The following BTBD9 variants were observed in gnomAD, a reference collection of about 807,000 sequenced individuals.
BTBD9 encodes the protein BTB domain containing 9, also known as BTB/POZ domain-containing protein 9.
A neutral mutation model predicts 64.3 loss-of-function variants in BTBD9; 49 were observed. That is an observed-to-expected ratio of 0.76 (90% CI 0.61 to 0.97). BTBD9 has a LOEUF of 0.97. Ranked by LOEUF, BTBD9 falls within the 50% of genes least tolerant of loss-of-function variation. The probability of loss-of-function intolerance (pLI) is 0.00; values close to 1 mark genes in which losing one functional copy is unlikely to be tolerated. For synonymous variants in BTBD9, 260 were observed against 274.7 expected (o/e 0.95, Z 0.53); for missense variants, 598 against 762.1 (o/e 0.78, Z 2.53).
chr6:38,585,579 G>A (rs1776480084), intron 4 of BTBD9, among the ~76,000 whole-genome samples: 1 of 152,124 alleles, frequency 6.6e-6, no homozygotes, highest in African/African-American at 2.4e-5. Flanking sequence ...CAAAGTGCTG[G>A]CATTACAGGT....
intron 9 of BTBD9, among the ~76,000 whole-genome samples, chr6:38,196,569 T>A (rs1023143383): frequency 6.6e-6 from 1 of 152,180 alleles, no homozygotes; most frequent in African/African-American, 2.4e-5. Flanking sequence ...GCAGCTGGGC[T>A]TTGGAAGAAT....
chr6:38,514,394 T>C (rs1285533261), intron 6 of BTBD9, among the ~76,000 whole-genome samples: 1 of 152,252 alleles, frequency 6.6e-6, no homozygotes, highest in Non-Finnish European at 1.5e-5. Flanking sequence ...AGAGCTGTAA[T>C]TGTCAATACC....
In BTBD9 at chr6:38,535,730, CA is replaced by C. The variant is rs1773996590; in HGVS notation, c.1154+41869del. Among the ~76,000 whole-genome samples, 5 of 152,200 alleles carry C rather than the reference CA, an allele frequency of 3.3e-5. No individual in the cohort carries two copies. The South Asian group carries it at 1.0e-3, about 32-fold the overall frequency. On this transcript the variant is annotated intron_variant, in intron 6 of 10. Transcript: ENST00000481247. ...ACACCTACAGTGAACTCATTTTCAA[CA>C]AAGGTGCCAAACACATACACTGGGA...
At chr6:38,498,457 T>A (rs1243854436) in intron 6 of BTBD9, among the ~76,000 whole-genome samples, 33 of 132,598 alleles carry the variant, frequency 2.5e-4, no homozygotes, top group East Asian at 4.3e-4. Flanking sequence ...TATCTAGTAC[T>A]AAAAAAAAAA....
At chr6:38,448,936 A>T (rs939108777) in intron 6 of BTBD9, among the ~76,000 whole-genome samples, 1 of 152,220 alleles carries the variant, frequency 6.6e-6, no homozygotes, top group Non-Finnish European at 1.5e-5. Flanking sequence ...CACATGGCCC[A>T]TCTGGGTACT....
chr6:38,563,839 T>TGGCACGATCTTGGCTCACTGCAAGCTCC (rs1448673878), intron 6 of BTBD9, among the ~76,000 whole-genome samples: 2 of 147,772 alleles, frequency 1.4e-5, no homozygotes, highest in Non-Finnish European at 3.0e-5. Context: ...CGGAGTGCAG[T>TGGCACGATCTTGGCTCACTGCAAGCTCC]GGCACGATCT....
chr6:38,426,593 GT>G (rs1768163181), intron 6 of BTBD9, among the ~76,000 whole-genome samples: 1 of 151,918 alleles, frequency 6.6e-6, no homozygotes, highest in African/African-American at 2.4e-5. Context: ...CCGGCAGGGT[GT>G]CCGCTGTGCT....
chr6:38,392,912 T>C (rs1272783311), intron 6 of BTBD9, among the ~76,000 whole-genome samples: 2 of 148,624 alleles, frequency 1.3e-5, no homozygotes, highest in African/African-American at 5.0e-5. Flanking sequence ...TCTTGTTCTA[T>C]CGCTCAGGCT....
intron 6 of BTBD9, among the ~76,000 whole-genome samples, chr6:38,355,907 G>A (rs1277132962): frequency 6.6e-6 from 1 of 152,236 alleles, no homozygotes; most frequent in African/African-American, 2.4e-5. Context: ...TTTTTAAGAC[G>A]TGGTCTGAAC....
chr6:38,192,030 C>T (rs912591501), intron 10 of BTBD9, among the ~76,000 whole-genome samples: 2 of 152,206 alleles, frequency 1.3e-5, no homozygotes, highest in African/African-American at 4.8e-5. Context: ...TTCTCATCTA[C>T]CTGTTGCATT....
At position 38,171,516 on chromosome 6, in the gene BTBD9, G is replaced by A. The variant is rs1178860340; in HGVS notation, c.*3469C>T. 6.8e-6 allele frequency: 1 copy of A among 147,120 alleles called. No homozygotes were observed. Among genetic ancestry groups the A allele is most frequent in the Non-Finnish European group, 1.5e-5 (1 of 67,492 alleles). 9.1% of individuals were successfully genotyped at this position (147,120 alleles called of 1,614,324 possible). A position where few individuals can be genotyped will look rare whatever the true frequency, so the allele number is the denominator to read the frequency against. On this transcript the variant is annotated 3_prime_UTR_variant, in exon 11 of 11. Transcript: ENST00000481247. Reference sequence around the variant, plus strand: ...CTTGTGCTTCTAACTAAAATCAAAGGAATGAAAGCAGAAAAAGCACTGAGA... The same window carrying A: ...CTTGTGCTTCTAACTAAAATCAAAGAAATGAAAGCAGAAAAAGCACTGAGA...
chr6:38,226,095 T>C (rs1201157513), intron 9 of BTBD9, among the ~76,000 whole-genome samples: 3 of 152,224 alleles, frequency 2.0e-5, no homozygotes, highest in Non-Finnish European at 2.9e-5. Context: ...TATTTTCTTA[T>C]AATAACACTT....
chr6:38,385,486 G>A (rs974883523), intron 6 of BTBD9, among the ~76,000 whole-genome samples: 6 of 151,540 alleles, frequency 4.0e-5, no homozygotes, highest in East Asian at 2.0e-4. Flanking sequence ...CACCACACCC[G>A]GCCCTTTATG....
chr6:38,535,358 A>T (rs1773978978), intron 6 of BTBD9, among the ~76,000 whole-genome samples: 1 of 152,182 alleles, frequency 6.6e-6, no homozygotes, highest in Non-Finnish European at 1.5e-5. Context: ...ATTGAAGAGG[A>T]CACAAAAAAA....
At chr6:38,474,616 T>C (rs1770798861) in intron 6 of BTBD9, among the ~76,000 whole-genome samples, 1 of 152,200 alleles carries the variant, frequency 6.6e-6, no homozygotes, top group South Asian at 2.1e-4. Flanking sequence ...ATCAAAGCCA[T>C]CTTCATTCCC....
At chr6:38,340,268 A>G (rs1316797144) in intron 7 of BTBD9, among the ~76,000 whole-genome samples, 3 of 152,200 alleles carry the variant, frequency 2.0e-5, no homozygotes. Context: ...CAGTATCTAC[A>G]CTGAGGTTTC....
intron 8 of BTBD9, among the ~76,000 whole-genome samples, chr6:38,276,390 C>T (rs1314287024): frequency 6.6e-6 from 1 of 151,684 alleles, no homozygotes; most frequent in Non-Finnish European, 1.5e-5. Flanking sequence ...GGAGATATAC[C>T]TAATGCTAAA....
chr6:38,606,245 T>C (rs1177478197), intron 1 of BTBD9, among the ~76,000 whole-genome samples: 1 of 152,158 alleles, frequency 6.6e-6, no homozygotes, highest in Non-Finnish European at 1.5e-5. Flanking sequence ...ATTGTGGGAC[T>C]TCACCTTGTG....
At position 38,423,556 on chromosome 6, in the gene BTBD9, G is replaced by A. The variant is rs936871331; in HGVS notation, c.1155-78463C>T. On this transcript the variant is annotated intron_variant, in intron 6 of 10. Coordinates refer to ENST00000481247, the MANE Select transcript of BTBD9 (RefSeq NM_001099272.2). ...ATGGGCTCAAGCAATCCTCTGCCTC[G>A]GGCTCCCAAAGTGCTGGGATTACAG... 5.9e-5 allele frequency among the ~76,000 whole-genome samples: 9 copies of A among 151,984 alleles called. 1 individual carries two copies. The highest frequency in any genetic ancestry group is 2.6e-4 in the Admixed American group (4 of 15,256).
Sources: allele counts gnomAD v4.1 joint callset (sites outside exome capture counted in the v4.1 genomes callset), GRCh38; gene constraint gnomAD v4.1.1; transcripts MANE v1.5; gene names NCBI Gene and HGNC (gene_info 2026-07-23, HGNC 2026-07-21).